PIAS1: variants seen among roughly 807,000 people sequenced by gnomAD.
The protein encoded by PIAS1 is E3 SUMO-protein ligase PIAS1.
A neutral mutation model predicts 71.3 loss-of-function variants in PIAS1; 6 were observed. The ratio of observed to expected loss-of-function variants is 0.08; its 90% confidence interval spans 0.05 to 0.17. The LOEUF (loss-of-function observed/expected upper bound fraction) is 0.17, where lower values mean the gene tolerates loss of function less well. Ranked by LOEUF, PIAS1 falls within the 10% of genes least tolerant of loss-of-function variation. The pLI, the probability that PIAS1 is intolerant of heterozygous loss-of-function variation, is 1.00. For missense variants in PIAS1, 555 were observed against 793.6 expected, an observed-to-expected ratio of 0.70 and a Z score of 3.61; for synonymous variants, 303 against 292.9, an observed-to-expected ratio of 1.03 and a Z score of -0.35.
At chr15:68,078,551 A>G (rs1041426368) in intron 1 of PIAS1, among the ~76,000 whole-genome samples, 1 of 151,978 alleles carries the variant, frequency 6.6e-6, no homozygotes, top group African/African-American at 2.4e-5. Context: ...TGCCCCCGTC[A>G]CCCATTTCCT....
At chr15:68,183,023 G>T (rs1287919459) in intron 12 of PIAS1, among the ~76,000 whole-genome samples, 1 of 152,158 alleles carries the variant, frequency 6.6e-6, no homozygotes, top group African/African-American at 2.4e-5. Context: ...ATGTTAATTG[G>T]AAGGGGCCTC....
intron 6 of PIAS1, among the ~76,000 whole-genome samples, chr15:68,151,707 C>CACACACACACAAAAAA (rs140053964): frequency 7.4e-6 from 1 of 134,408 alleles, no homozygotes; most frequent in African/African-American, 2.8e-5. Flanking sequence ...CACACACACA[C>CACACACACACAAAAAA]AAATTAGCTA....
intron 2 of PIAS1, among the ~76,000 whole-genome samples, chr15:68,088,188 A>G (rs958001766): frequency 1.1e-4 from 15 of 141,180 alleles, no homozygotes; most frequent in Non-Finnish European, 2.0e-4. Flanking sequence ...ATATATATAT[A>G]TATATATATA....
At chr15:68,147,814 G>T (rs2141054821) in intron 6 of PIAS1, among the ~76,000 whole-genome samples, 1 of 152,172 alleles carries the variant, frequency 6.6e-6, no homozygotes, top group Admixed American at 6.5e-5. Flanking sequence ...AATAAATGTT[G>T]ATTCTGAAGC....
At chr15:68,063,554 A>T (rs2091983764) in intron 1 of PIAS1, among the ~76,000 whole-genome samples, 2 of 152,308 alleles carry the variant, frequency 1.3e-5, no homozygotes, top group South Asian at 4.1e-4. Flanking sequence ...TCTGCTGTGT[A>T]TGAGGTACCA....
rs552796840 is a variant in PIAS1 at position 68,189,776 on chromosome 15, C to T, written c.*1941C>T. 1 of 151,498 alleles carries T rather than the reference C, an allele frequency of 6.6e-6. No individual in the cohort carries two copies. The highest frequency in any genetic ancestry group is 1.9e-4 in the East Asian group (1 of 5,174). 9.4% of individuals were successfully genotyped at this position (151,498 alleles called of 1,614,324 possible). ...AAAACAATTTGCAATAAAAAAAAAACCAAAACAGATTGTCAGTTAACCAGG... is the reference window on the plus strand; with the variant it reads ...AAAACAATTTGCAATAAAAAAAAAATCAAAACAGATTGTCAGTTAACCAGG... On this transcript the variant is annotated 3_prime_UTR_variant, in exon 14 of 14. Transcript: ENST00000249636.
intron 2 of PIAS1, among the ~76,000 whole-genome samples, chr15:68,088,064 T>TGTTTCTTG (rs1160650292): frequency 6.6e-6 from 1 of 151,072 alleles, no homozygotes. Flanking sequence ...ATAAGCAAAT[T>TGTTTCTTG]GTTTCTTGTT....
chr15:68,073,967 A>AAT (rs2092128992), intron 1 of PIAS1, among the ~76,000 whole-genome samples: 1 of 152,148 alleles, frequency 6.6e-6, no homozygotes. Context: ...GGACTTGGTA[A>AAT]ATAGATTGGA....
rs145362148 is a variant in PIAS1 at position 68,140,115 on chromosome 15, T to C, written c.470-1831T>C. Among the ~76,000 whole-genome samples, 228 of 152,204 alleles carry C rather than the reference T, an allele frequency of 1.5e-3. 1 individual carries two copies. Among genetic ancestry groups the C allele is most frequent in the African/African-American group, 5.3e-3 (219 of 41,530 alleles). ...ATGTATATATAAATGGAGATGGAAGTGTAGGGGCTATTATTAAGTAAGAAA... is the reference window on the plus strand; with the variant it reads ...ATGTATATATAAATGGAGATGGAAGCGTAGGGGCTATTATTAAGTAAGAAA... On this transcript the variant is annotated intron_variant, in intron 2 of 13. Coordinates refer to ENST00000249636, the MANE Select transcript of PIAS1 (RefSeq NM_016166.3).
chr15:68,078,869 C>T (rs922067019), intron 1 of PIAS1, among the ~76,000 whole-genome samples: 25 of 152,106 alleles, frequency 1.6e-4, no homozygotes, highest in South Asian at 4.2e-4. Flanking sequence ...ATGTAAATGA[C>T]GCTAAAAATT....
rs2093091727 is a variant in PIAS1, at chr15:68,186,927, ATGATG to A, written c.1663-614_1663-610del. ...GTTTGCACAGCCACAAAACCGCCTA[ATGATG>A]CATTTCTCAAAACACATCCGTGTCA... is the stretch of plus-strand genomic sequence containing the variant. On this transcript the variant is annotated intron_variant, in intron 13 of 13. Transcript: ENST00000249636. This position sits in a 1 kb window ranked among gnomAD's most constrained non-coding sequence, Gnocchi z 4.4. Among the ~76,000 whole-genome samples the A allele has an allele frequency of 6.6e-6, 1 of 152,240 alleles. No individual in the cohort carries two copies. The highest frequency in any genetic ancestry group is 1.5e-5 in the Non-Finnish European group (1 of 68,048).
Position 68,181,263 on chromosome 15 carries a change from T to C in PIAS1, c.1533T>C (p.Leu511=). ...CTCCAGTATCCCGCACCCCAAGCCT[T>C]CCTGCTGTAGACACAAGCTACATTA... ...QASPVSRTPS[L]PAVDTSYINT... Residue 511 remains leucine (L), a synonymous_variant, in exon 12 of 14, where the codon CTT becomes CTC. Transcript: ENST00000249636. 1.2e-6 allele frequency: 2 copies of C among 1,613,648 alleles called. No homozygotes were observed. Among genetic ancestry groups the C allele is most frequent in the Non-Finnish European group, 1.7e-6 (2 of 1,179,656 alleles).
At chr15:68,099,807 T>A (rs766870464) in intron 2 of PIAS1, among the ~76,000 whole-genome samples, 1 of 152,062 alleles carries the variant, frequency 6.6e-6, no homozygotes, top group Non-Finnish European at 1.5e-5. Flanking sequence ...TCACTTTTTT[T>A]ATTTTTAGAT....
chr15:68,102,950 C>T (rs572198857), intron 2 of PIAS1, among the ~76,000 whole-genome samples: 5 of 151,620 alleles, frequency 3.3e-5, no homozygotes, highest in African/African-American at 1.2e-4. Context: ...TTTTTTGAGA[C>T]AGGGTCTCAT....
chr15:68,166,819 T>C (rs567229230), intron 8 of PIAS1, among the ~76,000 whole-genome samples: 2 of 152,342 alleles, frequency 1.3e-5, no homozygotes, highest in Non-Finnish European at 2.9e-5. Context: ...TTTTGCTCTT[T>C]GCACCTTTAT....
intron 7 of PIAS1, 43 bp from the exon 8 acceptor site, chr15:68,164,687 TA>T: frequency 9.0e-7 from 1 of 1,115,776 alleles, no homozygotes; most frequent in Non-Finnish European, 1.3e-6. Context: ...GTATCTTTAA[TA>T]AAACTCTGTT....
Position 68,173,600 on chromosome 15 carries a change from C to A in PIAS1, c.1009-132C>A. 2 of 482,540 alleles carry A rather than the reference C, an allele frequency of 4.1e-6. No homozygotes were observed. Among genetic ancestry groups the A allele is most frequent in the East Asian group, 6.5e-5 (2 of 30,882 alleles). 29.9% of individuals were successfully genotyped at this position (482,540 alleles called of 1,614,324 possible). On this transcript the variant is annotated intron_variant, in intron 8 of 13. Coordinates refer to ENST00000249636, the MANE Select transcript of PIAS1 (RefSeq NM_016166.3). The surrounding 1 kb of genome is among the most constrained non-coding windows in gnomAD (Gnocchi z 4.3). ...CACAGGAAATGTGTTTAATGTTCTT[C>A]TACATTGATGAAAAGTCAACACTGT... is the stretch of plus-strand genomic sequence containing the variant.
At position 68,193,337 on chromosome 15, in the gene PIAS1, A is replaced by T. The variant is rs781355316; in HGVS notation, c.*5502A>T. On this transcript the variant is annotated 3_prime_UTR_variant, in exon 14 of 14. Transcript: ENST00000249636. ...TCCTGCTCTCAGCTGATGCTGCCTC[A>T]TTGTAGCATGTGTTTTCACTCTAGT... is the stretch of plus-strand genomic sequence containing the variant. 1 of 152,246 alleles carries T rather than the reference A, an allele frequency of 6.6e-6. No individual in the cohort carries two copies. The highest frequency in any genetic ancestry group is 1.5e-5 in the Non-Finnish European group (1 of 68,096). The allele number at this position is 152,246 out of a possible 1,614,324, so 9.4% of individuals were successfully genotyped here.
intron 1 of PIAS1, among the ~76,000 whole-genome samples, chr15:68,059,517 C>T (rs568701104): frequency 2.6e-5 from 4 of 151,592 alleles, no homozygotes; most frequent in African/African-American, 9.7e-5. Flanking sequence ...GAAGACCAGC[C>T]TGACCAAGAT....
Sources: allele counts gnomAD v4.1 joint callset (sites outside exome capture counted in the v4.1 genomes callset), GRCh38; gene constraint gnomAD v4.1.1; non-coding constraint Gnocchi (gnomAD v3.1); transcripts MANE v1.5; gene names NCBI Gene and HGNC (gene_info 2026-07-23, HGNC 2026-07-21).